Variants in VSTM4 observed in about 807,000 individuals in gnomAD.
VSTM4 encodes the protein V-set and transmembrane domain containing 4.
VSTM4 carries 20 observed loss-of-function variants against 36.4 expected under a neutral mutation model. The ratio of observed to expected loss-of-function variants is 0.55; its 90% CI spans 0.39 to 0.80. VSTM4 has a LOEUF of 0.80. VSTM4 is among the 30% of genes least tolerant of loss of function. The probability of loss-of-function intolerance (pLI) is 0.00; values close to 1 mark genes in which losing one functional copy is unlikely to be tolerated. For missense variants in VSTM4, 392 were observed against 404.5 expected (o/e 0.97, Z 0.26); for synonymous variants, 182 against 173.9 (o/e 1.05, Z -0.37).
intron 7 of VSTM4, 49 bp downstream of exon 7, chr10:49,046,934 T>C: frequency 6.4e-7 from 1 of 1,566,970 alleles, no homozygotes; most frequent in Non-Finnish European, 8.8e-7. Flanking sequence ...GAATCTGAGT[T>C]GTGTCTGAGG....
chr10:49,037,645 C>T (rs1843451886), intron 7 of VSTM4, among the ~76,000 whole-genome samples: 2 of 152,116 alleles, frequency 1.3e-5, no homozygotes, highest in African/African-American at 4.8e-5. Flanking sequence ...TCAAGGGACA[C>T]AATTAACAGA....
chr10:49,103,983 G>T (rs113221328), intron 2 of VSTM4: 3 of 756,292 alleles, frequency 4.0e-6, no homozygotes, highest in Non-Finnish European at 4.3e-6. Context: ...ACGGACCACA[G>T]AACTTCTCAT....
chr10:49,099,266 C>T (rs1487951656), intron 2 of VSTM4, among the ~76,000 whole-genome samples: 1 of 152,222 alleles, frequency 6.6e-6, no homozygotes, highest in Non-Finnish European at 1.5e-5. Flanking sequence ...TATTATCACT[C>T]CGAATCCTTT....
chr10:49,040,225 A>C, intron 7 of VSTM4, among the ~76,000 whole-genome samples: 1 of 152,198 alleles, frequency 6.6e-6, no homozygotes, highest in East Asian at 1.9e-4. Context: ...GTTTTGTTTT[A>C]AAAAAAGGAA....
intron 5 of VSTM4, among the ~76,000 whole-genome samples, chr10:49,062,896 A>G (rs374479524): frequency 9.9e-5 from 15 of 152,140 alleles, no homozygotes; most frequent in Admixed American, 8.5e-4. Flanking sequence ...GAGCCCGAAC[A>G]GTGAGTTTTT....
chr10:49,079,630 G>T (rs1263765651), intron 3 of VSTM4, among the ~76,000 whole-genome samples: 1 of 152,092 alleles, frequency 6.6e-6, no homozygotes, highest in African/African-American at 2.4e-5. Context: ...ACACACAAAG[G>T]CTTTCTCTTC....
chr10:49,101,945 A>G (rs536071801), intron 2 of VSTM4, among the ~76,000 whole-genome samples: 2 of 150,258 alleles, frequency 1.3e-5, no homozygotes, highest in Non-Finnish European at 2.9e-5. Flanking sequence ...CAATACATGC[A>G]CTATTGTTAA....
At position 49,021,041 on chromosome 10, in the gene VSTM4, C is replaced by G. The variant is rs1051034531; in HGVS notation, c.838-1266G>C. ...ATTAAAAACACATTTTTGTTTAAAA[C>G]AATTTTTGAATGAAGTAGGTGTAGA... On this transcript the variant is annotated intron_variant, in intron 7 of 7. Coordinates refer to ENST00000332853, the MANE Select transcript of VSTM4 (RefSeq NM_001031746.5). Among the ~76,000 whole-genome samples the G allele has an allele frequency of 5.3e-5, 8 of 151,822 alleles. 1 individual carries two copies. Among genetic ancestry groups the G allele is most frequent in the Admixed American group, 5.2e-4 (8 of 15,244 alleles).
At chr10:49,088,406 A>G (rs1590120542) in intron 2 of VSTM4, among the ~76,000 whole-genome samples, 1 of 152,368 alleles carries the variant, frequency 6.6e-6, no homozygotes, top group African/African-American at 2.4e-5. Flanking sequence ...CAATTTGTCC[A>G]TCACACCCAA....
chr10:49,050,781 A>G (rs949084039), intron 5 of VSTM4, among the ~76,000 whole-genome samples: 7 of 152,234 alleles, frequency 4.6e-5, no homozygotes, highest in African/African-American at 1.7e-4. Flanking sequence ...CGTGTTTAAA[A>G]AGGGTAATTA....
chr10:49,071,043 C>T (rs922705814), intron 4 of VSTM4, among the ~76,000 whole-genome samples: 2 of 152,236 alleles, frequency 1.3e-5, no homozygotes, highest in Non-Finnish European at 2.9e-5. Context: ...TTAGCTTCAT[C>T]CTCATGGAGA....
At chr10:49,044,813 G>A (rs71500261) in intron 7 of VSTM4, among the ~76,000 whole-genome samples, 12,462 of 152,152 alleles carry the variant, frequency 0.082, 800 homozygotes, top group East Asian at 0.21. Flanking sequence ...TGCTACCTTC[G>A]GGAAGCTTTA....
intron 2 of VSTM4, among the ~76,000 whole-genome samples, chr10:49,096,112 G>A (rs1844565933): frequency 6.6e-6 from 1 of 152,152 alleles, no homozygotes; most frequent in Non-Finnish European, 1.5e-5. Context: ...TAATTAAGCA[G>A]AAGCCCTAAA....
chr10:49,032,648 A>T (rs1314923116), intron 7 of VSTM4, among the ~76,000 whole-genome samples: 1 of 151,596 alleles, frequency 6.6e-6, no homozygotes, highest in Non-Finnish European at 1.5e-5. Context: ...GTCTTTTAGC[A>T]CCCCCACCCC....
chr10:49,015,119 A>ATTTTTTT lies in VSTM4; in HGVS notation c.*4524_*4530dup, dbSNP rs34800687. 8.4e-5 allele frequency: 10 copies of ATTTTTTT among 119,544 alleles called. No individual in the cohort carries two copies. The highest frequency in any genetic ancestry group is 3.1e-4 in the African/African-American group (10 of 31,764). 7.4% of individuals were successfully genotyped at this position (119,544 alleles called of 1,614,324 possible). A position where few individuals can be genotyped will look rare whatever the true frequency, so the allele number is the denominator to read the frequency against. ...CCAGACCTCCTGAGCCAGGATCTAC[A>ATTTTTTT]TTTTTTTTTTTTTTTTTTTTGAGAC... is the stretch of plus-strand genomic sequence containing the variant. On this transcript the variant is annotated 3_prime_UTR_variant, in exon 8 of 8. Coordinates refer to ENST00000332853, the MANE Select transcript of VSTM4 (RefSeq NM_001031746.5).
chr10:49,099,483 G>A (rs1239578563), intron 2 of VSTM4, among the ~76,000 whole-genome samples: 2 of 152,174 alleles, frequency 1.3e-5, no homozygotes, highest in South Asian at 2.1e-4. Flanking sequence ...GTTCATTAGG[G>A]TGATGTGGGC....
At chr10:49,042,875 A>G (rs904307793) in intron 7 of VSTM4, among the ~76,000 whole-genome samples, 21 of 152,232 alleles carry the variant, frequency 1.4e-4, no homozygotes, top group Non-Finnish European at 1.5e-5. Context: ...ATAGGCTATC[A>G]GGACAGCTCC....
intron 1 of VSTM4, among the ~76,000 whole-genome samples, chr10:49,109,964 G>A (rs1303878650): frequency 1.3e-5 from 2 of 152,366 alleles, no homozygotes; most frequent in East Asian, 1.9e-4. Flanking sequence ...CCTGTGTGAA[G>A]TCCACACAGC....
intron 4 of VSTM4, among the ~76,000 whole-genome samples, chr10:49,066,989 C>A (rs1843985089): frequency 6.6e-6 from 1 of 152,044 alleles, no homozygotes; most frequent in Non-Finnish European, 1.5e-5. Context: ...GAAGAAGGAA[C>A]AATACAAAAT....
Sources: allele counts gnomAD v4.1 joint callset (sites outside exome capture counted in the v4.1 genomes callset), GRCh38; gene constraint gnomAD v4.1.1; transcripts MANE v1.5; gene names NCBI Gene and HGNC (gene_info 2026-07-23, HGNC 2026-07-21).